Variants in PTPRD observed in about 807,000 individuals in gnomAD.
The protein encoded by PTPRD is protein tyrosine phosphatase receptor type D.
Under a neutral mutation model 214.5 loss-of-function variants are expected in PTPRD, and 34 were observed. That is an observed-to-expected ratio of 0.16 (90% CI 0.12 to 0.21). The LOEUF (loss-of-function observed/expected upper bound fraction) is 0.21. PTPRD is among the 10% of genes least tolerant of loss of function. PTPRD has a pLI of 1.00. For synonymous variants in PTPRD, 1,128 were observed against 845.7 expected (o/e 1.33, Z -5.79); for missense variants, 2,545 against 2,398.7 (o/e 1.06, Z -1.27).
At chr9:9,590,606 ATATT>A (rs1039387368) in intron 7 of PTPRD, among the ~76,000 whole-genome samples, 125 of 152,062 alleles carry the variant, frequency 8.2e-4, no homozygotes, top group African/African-American at 2.9e-3. Context: ...ATGGCTTCAT[ATATT>A]TATTTTTTAT....
chr9:10,290,851 CA>C (rs2095506241), intron 3 of PTPRD, among the ~76,000 whole-genome samples: 1 of 151,894 alleles, frequency 6.6e-6, no homozygotes, highest in Non-Finnish European at 1.5e-5. Flanking sequence ...AATATTTCAA[CA>C]AAGGAAGTAC....
chr9:10,505,641 G>GCCACATCTTTCT (rs1218802329), intron 2 of PTPRD, among the ~76,000 whole-genome samples: 1 of 151,488 alleles, frequency 6.6e-6, no homozygotes, highest in Non-Finnish European at 1.5e-5. Context: ...ATGCTCCAAA[G>GCCACATCTTTCT]CCACATCTTT....
chr9:10,316,690 A>C (rs987591820), intron 3 of PTPRD, among the ~76,000 whole-genome samples: 3 of 151,958 alleles, frequency 2.0e-5, no homozygotes, highest in Non-Finnish European at 2.9e-5. Context: ...TGACATATCC[A>C]TACATTTTTC....
chr9:10,386,702 G>C (rs1156765498), intron 2 of PTPRD, among the ~76,000 whole-genome samples: 2 of 151,650 alleles, frequency 1.3e-5, no homozygotes, highest in Non-Finnish European at 2.9e-5. Flanking sequence ...AAAAAACAGA[G>C]AGAGAGAGAG....
At position 8,557,658 on chromosome 9, in the gene PTPRD, G is replaced by A. The variant is rs143580795; in HGVS notation, c.353-28879C>T. Among the ~76,000 whole-genome samples, 161 of 147,022 alleles carry A rather than the reference G, an allele frequency of 1.1e-3. 1 individual carries two copies. The highest frequency in any genetic ancestry group is 3.8e-3 in the African/African-American group (150 of 39,746). On this transcript the variant is annotated intron_variant, in intron 14 of 45. Transcript: ENST00000381196. ...CTGGGGAGGCTGAGGCAGGGGAATC[G>A]CTTGAACATGGGAAGCGGAGGTTGC...
At chr9:8,906,961 A>G (rs2098712130) in intron 11 of PTPRD, among the ~76,000 whole-genome samples, 1 of 152,088 alleles carries the variant, frequency 6.6e-6, no homozygotes, top group South Asian at 2.1e-4. Context: ...GTGCATATGC[A>G]AGGGGAACCT....
At chr9:9,717,245 T>A (rs1348039586) in intron 7 of PTPRD, among the ~76,000 whole-genome samples, 1 of 152,238 alleles carries the variant, frequency 6.6e-6, no homozygotes. Flanking sequence ...GCTGTTTTGC[T>A]TACTATAGCC....
At chr9:9,080,653 T>A (rs972358545) in intron 10 of PTPRD, among the ~76,000 whole-genome samples, 1 of 152,140 alleles carries the variant, frequency 6.6e-6, no homozygotes, top group African/African-American at 2.4e-5. Context: ...CTCTTCTGGG[T>A]CTATCCCACT....
chr9:9,801,443 T>C lies in PTPRD; in HGVS notation c.-367-34592A>G, dbSNP rs988030789. Among the ~76,000 whole-genome samples the C allele has an allele frequency of 2.0e-5, 3 of 152,076 alleles. No homozygotes were observed. In the East Asian group the frequency reaches 5.8e-4, roughly 29 times the overall value. Reference sequence around the variant, plus strand: ...CAAAGGCTGCCCTTCTATAACCTGTTCTGAGTTTATAAAGCAAACAAATCT... The same window carrying C: ...CAAAGGCTGCCCTTCTATAACCTGTCCTGAGTTTATAAAGCAAACAAATCT... On this transcript the variant is annotated intron_variant, in intron 5 of 45. Transcript: ENST00000381196.
intron 3 of PTPRD, among the ~76,000 whole-genome samples, chr9:10,316,316 C>G (rs1367707254): frequency 6.6e-6 from 1 of 151,418 alleles, no homozygotes; most frequent in African/African-American, 2.4e-5. Flanking sequence ...TGTAAAGGTC[C>G]TTTGACATTT....
intron 11 of PTPRD, among the ~76,000 whole-genome samples, chr9:8,874,342 G>T (rs768506719): frequency 1.1e-4 from 16 of 148,240 alleles, no homozygotes; most frequent in Non-Finnish European, 1.5e-4. Context: ...CATCAAGTGT[G>T]ACTACAGTTG....
At chr9:10,396,349 T>C (rs916614107) in intron 2 of PTPRD, among the ~76,000 whole-genome samples, 1 of 152,008 alleles carries the variant, frequency 6.6e-6, no homozygotes, top group African/African-American at 2.4e-5. Flanking sequence ...TGAGGTAGCC[T>C]GCGGGAGCTG....
chr9:10,066,991 G>C (rs571672344), intron 3 of PTPRD, among the ~76,000 whole-genome samples: 1 of 151,698 alleles, frequency 6.6e-6, no homozygotes, highest in African/African-American at 2.4e-5. Context: ...CTAGGTTTCA[G>C]AAGATGTTCT....
At chr9:9,455,665 A>T (rs2092888346) in intron 8 of PTPRD, among the ~76,000 whole-genome samples, 1 of 151,746 alleles carries the variant, frequency 6.6e-6, no homozygotes, top group Admixed American at 6.6e-5. Flanking sequence ...GAGCTTTCCC[A>T]AAGAAGCAAA....
rs58832794 is a variant in PTPRD, at chr9:9,195,107, T to TATACAC, written c.-202-11745_-202-11744insGTGTAT. 8.5e-5 allele frequency among the ~76,000 whole-genome samples: 12 copies of TATACAC among 141,202 alleles called. No homozygotes were observed. The South Asian group carries it at 1.2e-3, about 14-fold the overall frequency. The allele number at this position is 141,202 out of a possible 152,430, so 92.6% of individuals were successfully genotyped here. A position where few individuals can be genotyped will look rare whatever the true frequency, so the allele number is the denominator to read the frequency against. On this transcript the variant is annotated intron_variant, in intron 9 of 45. Transcript: ENST00000381196. Reference sequence around the variant, plus strand: ...TTGTGTATATATATATATATATATATACACACACACACATATACATACATA... The same window carrying TATACAC: ...TTGTGTATATATATATATATATATATATACACACACACACACACATATACATACATA...
chr9:10,342,893 AG>A (rs1402343995), intron 2 of PTPRD, among the ~76,000 whole-genome samples: 2 of 151,906 alleles, frequency 1.3e-5, no homozygotes, highest in Non-Finnish European at 2.9e-5. Context: ...CAAACTAAAA[AG>A]GTTGGATTTC....
intron 9 of PTPRD, among the ~76,000 whole-genome samples, chr9:9,298,577 T>C (rs1595394287): frequency 6.6e-6 from 1 of 151,808 alleles, no homozygotes; most frequent in East Asian, 2.0e-4. Flanking sequence ...CAGAGGGAAC[T>C]TGAAGTGTTT....
chr9:9,049,056 C>T (rs903107237), intron 10 of PTPRD, among the ~76,000 whole-genome samples: 5 of 152,206 alleles, frequency 3.3e-5, no homozygotes, highest in South Asian at 4.1e-4. Context: ...CCATCCCTTG[C>T]TATATACCAA....
chr9:8,478,524 T>C (rs1013140370), intron 30 of PTPRD, among the ~76,000 whole-genome samples: 5 of 152,224 alleles, frequency 3.3e-5, no homozygotes, highest in Non-Finnish European at 2.9e-5. Flanking sequence ...GTATAATCTG[T>C]GTTGTGCATT....
Sources: allele counts gnomAD v4.1 joint callset (sites outside exome capture counted in the v4.1 genomes callset), GRCh38; gene constraint gnomAD v4.1.1; transcripts MANE v1.5; gene names NCBI Gene and HGNC (gene_info 2026-07-23, HGNC 2026-07-21).